Variants in GGPS1 observed in about 807,000 individuals in gnomAD.
GGPS1 encodes geranylgeranyl diphosphate synthase 1, also known as geranylgeranyl pyrophosphate synthase.
GGPS1 carries 15 observed loss-of-function variants against 28.1 expected under a neutral mutation model. The ratio of observed to expected loss-of-function variants is 0.53; its 90% CI spans 0.36 to 0.82. The LOEUF is 0.82. Among genes scored for constraint, GGPS1 ranks in the 40% least tolerant of loss-of-function variants. GGPS1 has a pLI of 0.01. For synonymous variants in GGPS1, 138 were observed against 122.4 expected (o/e 1.13, Z -0.84); for missense variants, 284 against 348.3 (o/e 0.82, Z 1.47).
At chr1:235,340,211 GT>G (rs1675992588) in intron 2 of GGPS1, among the ~76,000 whole-genome samples, 7 of 152,196 alleles carry the variant, frequency 4.6e-5, no homozygotes. Flanking sequence ...GTGACTCAAC[GT>G]CTGTAATTTC....
upstream of GGPS1, chr1:235,327,849 G>C (rs936781459): frequency 6.6e-6 from 1 of 152,662 alleles, no homozygotes; most frequent in Non-Finnish European, 1.5e-5. Context: ...CAGGCCCGGG[G>C]GAGAGATGGG....
rs113129296 is a variant in GGPS1, at chr1:235,337,160, A to G, written c.70+1826A>G. The G allele has an allele frequency of 8.5e-3, 1,319 of 154,346 alleles. 21 individuals carry two copies. Among genetic ancestry groups the G allele is most frequent in the African/African-American group, 0.03 (1,259 of 41,564 alleles). 9.6% of individuals were successfully genotyped at this position (154,346 alleles called of 1,614,324 possible). On this transcript the variant is annotated intron_variant, in intron 2 of 3. Transcript: ENST00000282841. ...CAGACATCCTTTAGAACACGCTCAC[A>G]AACACTAGCTGGAACTGGGCTGGCA... is the stretch of plus-strand genomic sequence containing the variant.
Position 235,342,830 on chromosome 1 carries a change from T to C in GGPS1, c.*58T>C. The C allele has an allele frequency of 8.0e-7, 1 of 1,246,690 alleles. No individual in the cohort carries two copies. Among genetic ancestry groups the C allele is most frequent in the Non-Finnish European group, 1.1e-6 (1 of 893,956 alleles). The allele number at this position is 1,246,690 out of a possible 1,614,324, so 77.2% of individuals were successfully genotyped here. On this transcript the variant is annotated 3_prime_UTR_variant, in exon 4 of 4. Transcript: ENST00000282841. ...TATTTTAGTTAATCTTTTTTTTGTC[T>C]TTTAGCCTTACCACCTTTTAAAAAA...
Position 235,342,680 on chromosome 1 carries a change from GC to G in GGPS1, c.813del (p.Tyr272IlefsTer13). The G allele has an allele frequency of 6.2e-7, 1 of 1,610,026 alleles. No individual in the cohort carries two copies. The highest frequency in any genetic ancestry group is 1.3e-5 in the African/African-American group (1 of 74,984). ...RNTLKELEAK[A>X]YKQIDARGGN... ...TACCCTTAAAGAGCTTGAAGCTAAAGCCTATAAACAGATTGATGCACGTGGT... is the reference window on the plus strand; with the variant it reads ...TACCCTTAAAGAGCTTGAAGCTAAAGCTATAAACAGATTGATGCACGTGGT... On this transcript the variant is annotated frameshift_variant, in exon 4 of 4. Transcript: ENST00000282841. LOFTEE classifies it high-confidence loss of function.
chr1:235,336,360 C>T (rs1675863590), intron 2 of GGPS1, among the ~76,000 whole-genome samples: 1 of 151,652 alleles, frequency 6.6e-6, no homozygotes. Context: ...CACTGCACTC[C>T]AGCCTGGCAA....
At chr1:235,328,265 G>T (rs1675503368), upstream of GGPS1, 1 of 138,974 alleles carries the variant, frequency 7.2e-6, no homozygotes, top group Non-Finnish European at 1.5e-5. Flanking sequence ...CCTCTTTCCC[G>T]GATGGCCTCT....
intron 2 of GGPS1, among the ~76,000 whole-genome samples, chr1:235,338,868 AAAT>A (rs892260517): frequency 2.0e-5 from 3 of 151,860 alleles, no homozygotes; most frequent in South Asian, 2.1e-4. Flanking sequence ...CCTGTCTCAA[AAAT>A]AATAATAATA....
At position 235,344,365 on chromosome 1, in the gene GGPS1, T is replaced by C. The variant is rs190706591; in HGVS notation, c.*1593T>C. 6 of 167,156 alleles carry C rather than the reference T, an allele frequency of 3.6e-5. No individual in the cohort carries two copies. The highest frequency in any genetic ancestry group is 1.4e-4 in the African/African-American group (6 of 41,566). 10.4% of individuals were successfully genotyped at this position (167,156 alleles called of 1,614,324 possible). ...CTGTCTTTAGTAACTTTTAAAATAG[T>C]TTAAATCTCCCATTTTAATAGTGAT... On this transcript the variant is annotated 3_prime_UTR_variant, in exon 4 of 4. Transcript: ENST00000282841.
chr1:235,335,880 G>A (rs1675847624), intron 2 of GGPS1, among the ~76,000 whole-genome samples: 3 of 152,158 alleles, frequency 2.0e-5, no homozygotes, highest in African/African-American at 7.2e-5. Flanking sequence ...TACCATACAT[G>A]TTCAAGTTTA....
intron 1 of GGPS1, among the ~76,000 whole-genome samples, chr1:235,332,508 A>G (rs1000794755): frequency 1.3e-5 from 2 of 152,214 alleles, no homozygotes; most frequent in Non-Finnish European, 2.9e-5. Context: ...TACTATTGTG[A>G]ATAGTGCTGT....
intron 3 of GGPS1, 48 bp downstream of exon 3, chr1:235,341,826 T>G: frequency 9.0e-7 from 1 of 1,111,326 alleles, no homozygotes; most frequent in Non-Finnish European, 1.4e-6. Context: ...TTAATAGCTG[T>G]CGCATAAAAA....
At chr1:235,331,131 T>C (rs895880363) in intron 1 of GGPS1, among the ~76,000 whole-genome samples, 1 of 152,218 alleles carries the variant, frequency 6.6e-6, no homozygotes, top group African/African-American at 2.4e-5. Context: ...GTATGTTGAT[T>C]ATTTCGCTTA....
intron 2 of GGPS1, among the ~76,000 whole-genome samples, chr1:235,336,554 G>C (rs1429265839): frequency 6.6e-6 from 1 of 152,178 alleles, no homozygotes; most frequent in Non-Finnish European, 1.5e-5. Flanking sequence ...AGCACTTTGG[G>C]AAGCCAAGGC....
intron 2 of GGPS1, among the ~76,000 whole-genome samples, chr1:235,337,392 A>T (rs1032248755): frequency 2.6e-5 from 4 of 152,192 alleles, no homozygotes; most frequent in Non-Finnish European, 5.9e-5. Flanking sequence ...TAACATATTT[A>T]AAATTATCAC....
At chr1:235,339,610 AT>A (rs1675969616) in intron 2 of GGPS1, among the ~76,000 whole-genome samples, 1 of 151,652 alleles carries the variant, frequency 6.6e-6, no homozygotes, top group African/African-American at 2.4e-5. Context: ...AATTACAAAA[AT>A]TAGCCAGGTG....
chr1:235,331,804 C>T (rs1377894395), intron 1 of GGPS1, among the ~76,000 whole-genome samples: 1 of 152,182 alleles, frequency 6.6e-6, no homozygotes, highest in Admixed American at 6.5e-5. Context: ...AACTGCCTAA[C>T]AGTGCATACA....
intron 2 of GGPS1, among the ~76,000 whole-genome samples, chr1:235,336,408 G>C (rs1675866207): frequency 6.6e-6 from 1 of 152,036 alleles, no homozygotes. Flanking sequence ...AGAAGAACTT[G>C]TCTGGAAATG....
intron 2 of GGPS1, among the ~76,000 whole-genome samples, chr1:235,338,210 G>T (rs765038512): frequency 6.6e-6 from 1 of 151,864 alleles, no homozygotes; most frequent in Non-Finnish European, 1.5e-5. Context: ...GCAAAACCCT[G>T]TCTCTACTAA....
intron 2 of GGPS1, 90 bp downstream of exon 2, chr1:235,335,424 G>A: frequency 1.6e-6 from 1 of 623,716 alleles, no homozygotes. Context: ...AGACTTGCTA[G>A]CCGTTGAGAT....
Sources: gnomAD v4.1 joint callset for allele counts (sites outside exome capture counted in the v4.1 genomes callset) on GRCh38, gnomAD v4.1.1 for gene constraint, MANE v1.5 for transcripts, NCBI Gene and HGNC (gene_info 2026-07-23, HGNC 2026-07-21) for gene names.